The following SETDB1 variants were observed in gnomAD, a reference collection of about 807,000 sequenced individuals.
SETDB1 encodes histone-lysine N-methyltransferase SETDB1.
Under a neutral mutation model 137.4 loss-of-function variants are expected in SETDB1, and 31 were observed. The ratio of observed to expected loss-of-function variants is 0.23; its 90% CI spans 0.17 to 0.30. The LOEUF is 0.30. SETDB1 is among the 10% of genes least tolerant of loss of function. The pLI, the probability that SETDB1 is intolerant of heterozygous loss-of-function variation, is 1.00. For missense variants in SETDB1, 1,113 were observed against 1,631.5 expected, an observed-to-expected ratio of 0.68 and a Z score of 5.47; for synonymous variants, 548 against 579.9, an observed-to-expected ratio of 0.95 and a Z score of 0.79.
chr1:150,950,420 G>C, intron 12 of SETDB1, 38 bp from the exon 13 acceptor site: 1 of 1,518,224 alleles, frequency 6.6e-7, no homozygotes, highest in East Asian at 2.3e-5. Flanking sequence ...CAGAGGTCCT[G>C]TTGCCTTCCG....
intron 4 of SETDB1, among the ~76,000 whole-genome samples, chr1:150,940,712 A>G (rs1490446546): frequency 2.6e-5 from 4 of 151,618 alleles, no homozygotes; most frequent in Non-Finnish European, 5.9e-5. Flanking sequence ...TAAAAACACA[A>G]AATCAGGCTG....
Position 150,962,749 on chromosome 1 carries a change from A to G in SETDB1, c.3294+30A>G, listed in dbSNP as rs368031826. On this transcript the variant is annotated intron_variant, in intron 18 of 21. Transcript: ENST00000692827. ...GTCACCTCAAGCTTATTCAGAGTCT[A>G]ATAAAGGAAAATGGGCCATTGTCAC... is the stretch of plus-strand genomic sequence containing the variant. 95 of 1,607,872 alleles carry G rather than the reference A, an allele frequency of 5.9e-5. No homozygotes were observed. The African/African-American group carries it at 1.0e-3, about 17-fold the overall frequency.
At chr1:150,933,070 T>TGAAC (rs1669814019) in intron 3 of SETDB1, among the ~76,000 whole-genome samples, 1 of 151,960 alleles carries the variant, frequency 6.6e-6, no homozygotes, top group East Asian at 1.9e-4. Context: ...AATGAATGAA[T>TGAAC]TGATTGATTG....
At chr1:150,962,544 A>C (rs1571664412) in intron 17 of SETDB1, 43 bp from the exon 18 acceptor site, 1 of 1,607,342 alleles carries the variant, frequency 6.2e-7, no homozygotes, top group African/African-American at 1.3e-5. Flanking sequence ...AGCCTAAGAA[A>C]CAGCCAGTAA....
In SETDB1 at chr1:150,959,197, C is replaced by T. The variant is rs777571542; in HGVS notation, c.2353C>T (p.Arg785Cys). The change falls in exon 15 of 22, where the codon CGC (arginine) becomes TGC (cysteine). Residue 785 changes from arginine (R) to cysteine (C), a missense_variant. Arg to Cys is a radical substitution (Grantham distance 180). This residue lies in a region of SETDB1 where 81 missense variants were observed against 123.4 expected (regional missense o/e 0.66). Coordinates refer to ENST00000692827, the MANE Select transcript of SETDB1 (RefSeq NM_001366418.1). ...TCCCAGGGTATATGAGTGTAACAAACGCTGCAAATGTGACCCAAACATGTG... is the reference window on the plus strand; with the variant it reads ...TCCCAGGGTATATGAGTGTAACAAATGCTGCAAATGTGACCCAAACATGTG... ...LPTGVYECNK[R>C]CKCDPNMCTN... 10 of 1,580,192 alleles carry T rather than the reference C, an allele frequency of 6.3e-6. 1 individual carries two copies. The highest frequency in any genetic ancestry group is 2.4e-5 in the South Asian group (2 of 83,974).
intron 14 of SETDB1, among the ~76,000 whole-genome samples, chr1:150,953,861 T>TC (rs1359640126): frequency 1.3e-5 from 2 of 149,468 alleles, no homozygotes; most frequent in African/African-American, 4.9e-5. Flanking sequence ...AAAAAAAAAT[T>TC]TTTTTTTTTT....
intron 1 of SETDB1, chr1:150,926,862 C>T: frequency 1.9e-6 from 1 of 532,550 alleles, no homozygotes. Context: ...TGGGGGAAAC[C>T]TTTTTGCTGC....
intron 3 of SETDB1, among the ~76,000 whole-genome samples, chr1:150,936,018 G>T (rs371385558): frequency 6.6e-6 from 1 of 152,030 alleles, no homozygotes; most frequent in Admixed American, 6.6e-5. Flanking sequence ...ACGGAGTCTC[G>T]CTCTGTCGCC....
chr1:150,958,180 T>A (rs1285776353), intron 14 of SETDB1, among the ~76,000 whole-genome samples: 1 of 144,622 alleles, frequency 6.9e-6, no homozygotes, highest in African/African-American at 2.5e-5. Flanking sequence ...CGAAACTCTG[T>A]CTCCAAAAAA....
chr1:150,960,864 G>C lies in SETDB1; in HGVS notation c.2805G>C (p.Gln935His). Residue 935 changes from glutamine (Q) to histidine (H), a missense_variant, in exon 16 of 22, where the codon CAG (glutamine) becomes CAC (histidine). Transcript: ENST00000692827. ...CTACCCGGAGGCAGACCCGGGGCCAGAAAGAGAACGGACTCTCTGAGACAA... is the reference window on the plus strand; with the variant it reads ...CTACCCGGAGGCAGACCCGGGGCCACAAAGAGAACGGACTCTCTGAGACAA... ...SYATRRQTRG[Q>H]KENGLSETTS... The C allele has an allele frequency of 6.2e-7, 1 of 1,607,728 alleles. No homozygotes were observed. Among genetic ancestry groups the C allele is most frequent in the Non-Finnish European group, 8.5e-7 (1 of 1,176,522 alleles).
intron 15 of SETDB1, among the ~76,000 whole-genome samples, chr1:150,960,210 AC>A (rs1363557679): frequency 6.6e-6 from 1 of 151,950 alleles, no homozygotes; most frequent in African/African-American, 2.4e-5. Flanking sequence ...GCGGTGGCTA[AC>A]ACCTGTAATC....
chr1:150,937,904 T>C (rs910856391), intron 3 of SETDB1, among the ~76,000 whole-genome samples: 3 of 152,154 alleles, frequency 2.0e-5, no homozygotes, highest in African/African-American at 7.2e-5. Flanking sequence ...CACCCATGTA[T>C]TGACTGCTAT....
intron 3 of SETDB1, among the ~76,000 whole-genome samples, chr1:150,938,671 T>A (rs998541950): frequency 5.9e-5 from 9 of 151,708 alleles, no homozygotes; most frequent in Admixed American, 4.6e-4. Flanking sequence ...GCCCAGCTAA[T>A]TTTTGTATTT....
intron 5 of SETDB1, 32 bp from the exon 6 acceptor site, chr1:150,942,530 TA>T: frequency 6.3e-7 from 1 of 1,593,106 alleles, no homozygotes; most frequent in African/African-American, 1.3e-5. Context: ...ATCTATGTCA[TA>T]ACTCTTGAGA....
Position 150,946,887 on chromosome 1 carries a change from A to G in SETDB1, c.1142A>G (p.Asp381Gly). Residue 381 changes from aspartate (D) to glycine (G), a missense_variant and splice_region_variant, in exon 10 of 22, where the codon GAT (aspartate) becomes GGT (glycine). Coordinates refer to ENST00000692827, the MANE Select transcript of SETDB1 (RefSeq NM_001366418.1). ...CATTCTTTTCTCTCAATTCCCCAGG[A>G]TGACAAAAGATGTGAGTGGATCTAT... ...DGSLVRILFLDDKRCEWIYRG... is the reference protein window; with the variant it reads ...DGSLVRILFLGDKRCEWIYRG... 6.2e-7 allele frequency: 1 copy of G among 1,614,060 alleles called. No individual in the cohort carries two copies.
rs79580902 is a variant in SETDB1, at chr1:150,952,247, T to G, written c.2333+766T>G. On this transcript the variant is annotated intron_variant, in intron 14 of 21. Coordinates refer to ENST00000692827, the MANE Select transcript of SETDB1 (RefSeq NM_001366418.1). ...CCTGCCTTTTTCAGATTACTCTGGC[T>G]TCTTTGTAGATCATAGGTCTTAGGA... 9.2e-3 allele frequency among the ~76,000 whole-genome samples: 1,396 copies of G among 152,324 alleles called. 43 individuals carry two copies. The East Asian group carries it at 0.098, about 11-fold the overall frequency.
At chr1:150,948,063 T>C (rs1184596328) in intron 10 of SETDB1, among the ~76,000 whole-genome samples, 3 of 150,806 alleles carry the variant, frequency 2.0e-5, no homozygotes, top group African/African-American at 4.9e-5. Context: ...AAGACTCTTA[T>C]CTCTTAAAAA....
chr1:150,940,671 C>T (rs181163771), intron 4 of SETDB1, among the ~76,000 whole-genome samples: 1 of 151,608 alleles, frequency 6.6e-6, no homozygotes, highest in Admixed American at 6.6e-5. Context: ...AGTTCAAGAG[C>T]AGCCTAACCA....
intron 3 of SETDB1, among the ~76,000 whole-genome samples, chr1:150,935,945 T>TC (rs1175861693): frequency 6.6e-6 from 1 of 152,174 alleles, no homozygotes; most frequent in Non-Finnish European, 1.5e-5. Context: ...ATCTAGCAAC[T>TC]CTGAGTTTTA....
Sources: gnomAD v4.1 joint callset for allele counts (sites outside exome capture counted in the v4.1 genomes callset) on GRCh38, gnomAD v4.1.1 for gene constraint, gnomAD v4.1.1 regional missense constraint, MANE v1.5 for transcripts, NCBI Gene and HGNC (gene_info 2026-07-23, HGNC 2026-07-21) for gene names.